The following WDR47 variants were observed in gnomAD, a reference collection of about 807,000 sequenced individuals.
WDR47 encodes the protein WD repeat-containing protein 47.
A neutral mutation model predicts 97.2 loss-of-function variants in WDR47; 32 were observed. The ratio of observed to expected loss-of-function variants is 0.33; its 90% CI spans 0.25 to 0.44. WDR47 has a LOEUF of 0.44. Among genes scored for constraint, WDR47 ranks in the 20% least tolerant of loss-of-function variants. The probability of loss-of-function intolerance (pLI) is 1.00; values close to 1 mark genes in which losing one functional copy is unlikely to be tolerated. For missense variants in WDR47, 782 were observed against 1,102.3 expected (o/e 0.71, Z 4.11); for synonymous variants, 375 against 373.5 (o/e 1.00, Z -0.05).
intron 3 of WDR47, among the ~76,000 whole-genome samples, chr1:109,016,289 G>C (rs112967012): frequency 2.0e-5 from 3 of 152,190 alleles, no homozygotes; most frequent in African/African-American, 7.2e-5. Context: ...TGCAGTCCCA[G>C]CCACACAGGA....
chr1:109,034,944 C>T (rs13302966), intron 1 of WDR47, among the ~76,000 whole-genome samples: 1 of 152,074 alleles, frequency 6.6e-6, no homozygotes. Context: ...CATAATATCT[C>T]TGTGTCTAAA....
intron 5 of WDR47, 84 bp downstream of exon 5, chr1:109,010,832 T>C (rs2101941184): frequency 2.2e-6 from 3 of 1,336,970 alleles, no homozygotes; most frequent in Non-Finnish European, 3.1e-6. Context: ...TCCACCCACC[T>C]CGGCCTCCCA....
chr1:109,035,811 ATCT>A (rs1367798454), intron 1 of WDR47, among the ~76,000 whole-genome samples: 3 of 150,278 alleles, frequency 2.0e-5, no homozygotes, highest in Admixed American at 1.3e-4. Context: ...TTAATTTTGT[ATCT>A]TCTTTTTTTT....
chr1:109,014,807 G>C (rs1429494201), intron 3 of WDR47, among the ~76,000 whole-genome samples: 2 of 152,084 alleles, frequency 1.3e-5, no homozygotes, highest in Non-Finnish European at 2.9e-5. Flanking sequence ...ACCTGTCTAA[G>C]AATCAAAAGC....
intron 6 of WDR47, among the ~76,000 whole-genome samples, chr1:109,004,194 G>A (rs969264375): frequency 3.3e-5 from 5 of 151,942 alleles, no homozygotes; most frequent in African/African-American, 4.8e-5. Flanking sequence ...AAACCCGGGA[G>A]GCGGAGCTTG....
Position 108,971,458 on chromosome 1 carries a change from G to C in WDR47, c.2732C>G (p.Thr911Ser). ...CCCATTGTAAGTCCAGAGGGTGACA[G>C]TTCTATCTGCAGAGGATGACAGGAA... ...LSFLSSSADR[T>S]VTLWTYNG is the part of the protein sequence containing the mutation. Residue 911 changes from threonine (T) to serine (S), a missense_variant, in exon 15 of 15, where the codon ACT becomes AGT. Around this residue, in one of 3 missense-constraint regions of WDR47, gnomAD observed 228 missense variants for 396.7 expected, o/e 0.57. Transcript: ENST00000369962. 6.2e-7 allele frequency: 1 copy of C among 1,614,208 alleles called. No individual in the cohort carries two copies. Among genetic ancestry groups the C allele is most frequent in the African/African-American group, 1.3e-5 (1 of 75,054 alleles).
intron 2 of WDR47, among the ~76,000 whole-genome samples, chr1:109,022,149 G>GA (rs1661894404): frequency 6.6e-6 from 1 of 152,020 alleles, no homozygotes. Flanking sequence ...TGCCCAGCCT[G>GA]AAAATTTTTT....
rs570925685 is a variant in WDR47, at chr1:108,974,005, G to A, written c.2617+531C>T. On this transcript the variant is annotated intron_variant, in intron 14 of 14. Coordinates refer to ENST00000369962, the MANE Select transcript of WDR47 (RefSeq NM_001142551.2). ...GCTCAGAAGTTTGAGACCAGCCTGC[G>A]CAACATGGCAAAATTTTGTCTCTAC... is the stretch of plus-strand genomic sequence containing the variant. 4.6e-5 allele frequency among the ~76,000 whole-genome samples: 7 copies of A among 152,244 alleles called. No homozygotes were observed. In the South Asian group the frequency reaches 6.2e-4, roughly 14 times the overall value.
chr1:109,006,969 T>A (rs1184998676), intron 5 of WDR47, among the ~76,000 whole-genome samples: 1 of 151,970 alleles, frequency 6.6e-6, no homozygotes, highest in Non-Finnish European at 1.5e-5. Flanking sequence ...ATAGGATATC[T>A]TGCTGTCACC....
intron 1 of WDR47, among the ~76,000 whole-genome samples, chr1:109,039,240 G>C (rs1446476948): frequency 6.6e-6 from 1 of 151,916 alleles, no homozygotes; most frequent in Admixed American, 6.6e-5. Flanking sequence ...TTAAGGGAGT[G>C]TGTGGTATAA....
Position 108,970,617 on chromosome 1 carries a change from A to T in WDR47, c.*813T>A, listed in dbSNP as rs1657379959. Reference sequence around the variant, plus strand: ...AAGGATTTTAATTTTTAAGGAGAAAAATGCCAGTAAATTTACTGTACCATC... The same window carrying T: ...AAGGATTTTAATTTTTAAGGAGAAATATGCCAGTAAATTTACTGTACCATC... On this transcript the variant is annotated 3_prime_UTR_variant, in exon 15 of 15. Transcript: ENST00000369962. The T allele has an allele frequency of 1.3e-5, 2 of 152,630 alleles. No individual in the cohort carries two copies. Among genetic ancestry groups the T allele is most frequent in the African/African-American group, 2.4e-5 (1 of 41,456 alleles). 9.5% of individuals were successfully genotyped at this position (152,630 alleles called of 1,614,324 possible). A position where few individuals can be genotyped will look rare whatever the true frequency, so the allele number is the denominator to read the frequency against.
intron 1 of WDR47, among the ~76,000 whole-genome samples, chr1:109,027,457 C>T (rs1002980662): frequency 9.2e-5 from 14 of 152,136 alleles, no homozygotes; most frequent in Non-Finnish European, 1.6e-4. Flanking sequence ...TCTCTTCTAA[C>T]TCCCTTGTAT....
Position 109,023,465 on chromosome 1 carries a change from C to T in WDR47, c.48G>A (p.Lys16=). Residue 16 remains lysine (K), a synonymous_variant, in exon 2 of 15, where the codon AAG becomes AAA. Transcript: ENST00000369962. Reference sequence around the variant, plus strand: ...TTGAATTCAGGAAGTCCAAAATTAGCTTAATGATTTCAACCTCTTTTACAT... The same window carrying T: ...TTGAATTCAGGAAGTCCAAAATTAGTTTAATGATTTCAACCTCTTTTACAT... ...TVNVKEVEII[K]LILDFLNSKK... is the part of the protein sequence containing the mutation. The T allele has an allele frequency of 1.9e-6, 3 of 1,613,630 alleles. No individual in the cohort carries two copies. Among genetic ancestry groups the T allele is most frequent in the Admixed American group, 1.7e-5 (1 of 59,976 alleles).
At chr1:108,971,652 A>T (rs1001045375) in intron 14 of WDR47, 80 bp from the exon 15 acceptor site, 5 of 1,471,364 alleles carry the variant, frequency 3.4e-6, no homozygotes, top group Non-Finnish European at 4.6e-6. Flanking sequence ...TTACTTTAAG[A>T]CATTACAGTA....
At chr1:109,041,319 A>C (rs1302821666) in intron 1 of WDR47, among the ~76,000 whole-genome samples, 2 of 152,158 alleles carry the variant, frequency 1.3e-5, no homozygotes, top group Non-Finnish European at 2.9e-5. Context: ...CCAGATCCCC[A>C]AAGGCCTGCT....
At chr1:109,017,486 T>G in intron 3 of WDR47, 32 bp downstream of exon 3, 1 of 1,555,396 alleles carries the variant, frequency 6.4e-7, no homozygotes. Context: ...CTACCAATGA[T>G]GAGACACTAA....
At position 109,011,877 on chromosome 1, in the gene WDR47, CAACT is replaced by C. The variant is rs970838847; in HGVS notation, c.328-163_328-160del. On this transcript the variant is annotated intron_variant, in intron 4 of 14. Transcript: ENST00000369962. Reference sequence around the variant, plus strand: ...TCAAGATAGGAACATAATGTTTTCACAACTAAAATAAAAATAATAAACTTGGTTT... The same window carrying C: ...TCAAGATAGGAACATAATGTTTTCACAAAATAAAAATAATAAACTTGGTTT... Among the ~76,000 whole-genome samples the C allele has an allele frequency of 7.9e-5, 12 of 152,216 alleles. 1 individual carries two copies. Among genetic ancestry groups the C allele is most frequent in the African/African-American group, 2.9e-4 (12 of 41,536 alleles).
chr1:109,032,826 G>A lies in WDR47; in HGVS notation c.-10+9036C>T, dbSNP rs561875430. Among the ~76,000 whole-genome samples, 129 of 152,176 alleles carry A rather than the reference G, an allele frequency of 8.5e-4. 1 individual carries two copies. In the Middle Eastern group the frequency reaches 0.024, roughly 28 times the overall value. On this transcript the variant is annotated intron_variant, in intron 1 of 14. Coordinates refer to ENST00000369962, the MANE Select transcript of WDR47 (RefSeq NM_001142551.2). Reference sequence around the variant, plus strand: ...GCAGGAATATTGCTTGAACCCGGGAGGTGGAGGTTGCAGTGAGCTGAGATT... The same window carrying A: ...GCAGGAATATTGCTTGAACCCGGGAAGTGGAGGTTGCAGTGAGCTGAGATT...
intron 4 of WDR47, 34 bp downstream of exon 4, chr1:109,013,807 C>A: frequency 6.2e-7 from 1 of 1,606,364 alleles, no homozygotes; most frequent in Non-Finnish European, 8.5e-7. Flanking sequence ...GAAAACAAGA[C>A]TAGGGCGCAA....
Sources: gnomAD v4.1 joint callset for allele counts (sites outside exome capture counted in the v4.1 genomes callset) on GRCh38, gnomAD v4.1.1 for gene constraint, gnomAD v4.1.1 regional missense constraint, MANE v1.5 for transcripts, NCBI Gene and HGNC (gene_info 2026-07-23, HGNC 2026-07-21) for gene names.